The following RBFOX1 variants were observed in gnomAD, a reference collection of about 807,000 sequenced individuals.
The protein encoded by RBFOX1 is RNA binding fox-1 homolog 1, also known as RNA binding protein fox-1 homolog 1.
A neutral mutation model predicts 57.7 loss-of-function variants in RBFOX1; 8 were observed. That is an observed-to-expected ratio of 0.14 (90% CI 0.08 to 0.25). The LOEUF (loss-of-function observed/expected upper bound fraction) is 0.25. RBFOX1 is among the 10% of genes least tolerant of loss of function. RBFOX1 has a pLI of 1.00. For missense variants in RBFOX1, 611 were observed against 548.5 expected, an observed-to-expected ratio of 1.11 and a Z score of -1.14; for synonymous variants, 326 against 222.4, an observed-to-expected ratio of 1.47 and a Z score of -4.15.
intron 3 of RBFOX1, among the ~76,000 whole-genome samples, chr16:6,812,675 C>A (rs1049803065): frequency 6.6e-6 from 1 of 152,168 alleles, no homozygotes; most frequent in African/African-American, 2.4e-5. Context: ...CCACGCCTGG[C>A]CTTGGTTCAG....
chr16:6,800,481 C>T (rs146490363), intron 3 of RBFOX1, among the ~76,000 whole-genome samples: 3 of 152,072 alleles, frequency 2.0e-5, no homozygotes, highest in East Asian at 1.9e-4. Context: ...CGGGTGGGGT[C>T]GGAGCATCTG....
intron 2 of RBFOX1, among the ~76,000 whole-genome samples, chr16:6,532,447 A>G (rs544633647): frequency 3.3e-5 from 5 of 152,260 alleles, no homozygotes; most frequent in South Asian, 4.2e-4. Context: ...CATTTCTTGA[A>G]TGTATGGAGG....
chr16:5,636,273 G>A (rs1485702954), intron 3 of RBFOX1, among the ~76,000 whole-genome samples: 3 of 152,154 alleles, frequency 2.0e-5, no homozygotes, highest in Admixed American at 6.5e-5. Flanking sequence ...ATTTAAACCC[G>A]GGAGGTGGAA....
chr16:6,286,600 TACTA>T (rs1008884029), intron 1 of RBFOX1, among the ~76,000 whole-genome samples: 26 of 152,166 alleles, frequency 1.7e-4, no homozygotes, highest in African/African-American at 2.2e-4. Flanking sequence ...GTGTGGTTGT[TACTA>T]ACTATTTTTA....
At chr16:7,089,929 G>A (rs2060554063) in intron 4 of RBFOX1, among the ~76,000 whole-genome samples, 1 of 150,586 alleles carries the variant, frequency 6.6e-6, no homozygotes, top group Admixed American at 6.6e-5. Context: ...AAAAATGGCA[G>A]AGACTTTAAA....
intron 3 of RBFOX1, among the ~76,000 whole-genome samples, chr16:6,689,394 G>A (rs2059897337): frequency 6.6e-6 from 1 of 152,136 alleles, no homozygotes. Flanking sequence ...TTTATTTGAT[G>A]TGGGCAATAG....
In RBFOX1 at chr16:6,834,359, G is replaced by A. The variant is rs147601468; in HGVS notation, c.-16+179709G>A. Reference sequence around the variant, plus strand: ...CCAAATTTGCTGGGATTGCAGGCATGAGGCACCACGCCTGGCCCTGATCCA... The same window carrying A: ...CCAAATTTGCTGGGATTGCAGGCATAAGGCACCACGCCTGGCCCTGATCCA... On this transcript the variant is annotated intron_variant, in intron 3 of 15. Coordinates refer to ENST00000550418, the MANE Select transcript of RBFOX1 (RefSeq NM_018723.4). 2.6e-4 allele frequency among the ~76,000 whole-genome samples: 39 copies of A among 152,222 alleles called. No homozygotes were observed. The South Asian group carries it at 2.7e-3, about 11-fold the overall frequency.
chr16:5,587,412 TC>T (rs1310871132), intron 2 of RBFOX1, among the ~76,000 whole-genome samples: 2 of 152,188 alleles, frequency 1.3e-5, no homozygotes, highest in Non-Finnish European at 2.9e-5. Flanking sequence ...ATGGCTAGAA[TC>T]TAAAAGTCAG....
intron 1 of RBFOX1, among the ~76,000 whole-genome samples, chr16:5,447,969 G>A (rs1054473490): frequency 1.3e-5 from 2 of 152,198 alleles, no homozygotes; most frequent in Non-Finnish European, 2.9e-5. Context: ...TCAGCCAATG[G>A]AGTGGGTCGT....
At chr16:7,243,380 C>T (rs931960680) in intron 4 of RBFOX1, among the ~76,000 whole-genome samples, 1 of 152,124 alleles carries the variant, frequency 6.6e-6, no homozygotes, top group Admixed American at 6.5e-5. Context: ...ATCATGGTCA[C>T]TTTGTAAAAT....
At chr16:5,737,741 T>C (rs1263353278) in intron 3 of RBFOX1, among the ~76,000 whole-genome samples, 4 of 152,154 alleles carry the variant, frequency 2.6e-5, no homozygotes, top group Non-Finnish European at 4.4e-5. Flanking sequence ...CTCTGTGAAT[T>C]AACTAAAAAC....
intron 2 of RBFOX1, among the ~76,000 whole-genome samples, chr16:6,413,567 G>A (rs1019679569): frequency 9.2e-5 from 14 of 152,076 alleles, no homozygotes; most frequent in Admixed American, 2.0e-4. Flanking sequence ...TGAAATGAGG[G>A]TTTTTATTCT....
intron 4 of RBFOX1, among the ~76,000 whole-genome samples, chr16:7,405,032 C>T (rs534585637): frequency 6.6e-6 from 1 of 152,148 alleles, no homozygotes; most frequent in South Asian, 2.1e-4. Flanking sequence ...ATTTCGGTTA[C>T]GGTAATAACG....
intron 2 of RBFOX1, among the ~76,000 whole-genome samples, chr16:5,565,362 A>C (rs1436631869): frequency 6.6e-6 from 1 of 152,020 alleles, no homozygotes; most frequent in Non-Finnish European, 1.5e-5. Context: ...GCAGTGGCTC[A>C]CTCCTGTAAT....
chr16:5,711,961 T>G (rs970851685), intron 3 of RBFOX1, among the ~76,000 whole-genome samples: 4 of 152,210 alleles, frequency 2.6e-5, no homozygotes, highest in African/African-American at 4.8e-5. Context: ...ACTGTGTAAT[T>G]TATACATGAA....
chr16:6,782,530 G>C (rs2081203186), intron 3 of RBFOX1, among the ~76,000 whole-genome samples: 1 of 151,874 alleles, frequency 6.6e-6, no homozygotes, highest in Non-Finnish European at 1.5e-5. Flanking sequence ...TATGTCCCGG[G>C]ATTTTTATGT....
intron 3 of RBFOX1, among the ~76,000 whole-genome samples, chr16:6,812,917 C>G (rs925940835): frequency 6.6e-6 from 1 of 152,150 alleles, no homozygotes; most frequent in Non-Finnish European, 1.5e-5. Context: ...TTCTAGAGGT[C>G]ATTGCTGTCT....
intron 3 of RBFOX1, among the ~76,000 whole-genome samples, chr16:5,771,186 G>A (rs1362989845): frequency 1.3e-5 from 2 of 152,240 alleles, no homozygotes; most frequent in African/African-American, 2.4e-5. Flanking sequence ...ACACAGCGGG[G>A]CTACCCCATA....
chr16:5,468,318 G>T (rs778374289), intron 2 of RBFOX1, among the ~76,000 whole-genome samples: 7 of 152,066 alleles, frequency 4.6e-5, no homozygotes, highest in Non-Finnish European at 8.8e-5. Flanking sequence ...CCAAAGTAAA[G>T]CCCTGTACCC....
Sources: gnomAD v4.1 joint callset for allele counts (sites outside exome capture counted in the v4.1 genomes callset) on GRCh38, gnomAD v4.1.1 for gene constraint, MANE v1.5 for transcripts, NCBI Gene and HGNC (gene_info 2026-07-23, HGNC 2026-07-21) for gene names.